The following SMARCA4 variants were observed in gnomAD, a reference collection of about 807,000 sequenced individuals.
SMARCA4 encodes the protein SWI/SNF-related matrix-associated actin-dependent regulator of chromatin subfamily A member 4.
In SMARCA4, 31 loss-of-function variants were observed where a neutral mutation model predicts 193.9. That is an observed-to-expected ratio of 0.16 (90% CI 0.12 to 0.22). SMARCA4 has a LOEUF of 0.22. Among genes scored for constraint, SMARCA4 ranks in the 10% least tolerant of loss-of-function variants. SMARCA4 has a pLI of 1.00. For synonymous variants in SMARCA4, 942 were observed against 933.1 expected (o/e 1.01, Z -0.17); for missense variants, 1,148 against 2,296.0 (o/e 0.50, Z 10.22).
chr19:10,966,159 TATTTAGTAGAA>T (rs1320256435), intron 1 of SMARCA4, among the ~76,000 whole-genome samples: 1 of 151,906 alleles, frequency 6.6e-6, no homozygotes, highest in Non-Finnish European at 1.5e-5. Context: ...ATTTTTTGTA[TATTTAGTAGAA>T]ACGGGGTTTC....
In SMARCA4 at chr19:10,989,477, G is replaced by C. The variant is rs1279682574; in HGVS notation, c.1245+34G>C. 1.9e-6 allele frequency: 3 copies of C among 1,612,468 alleles called. No homozygotes were observed. In the African/African-American group the frequency reaches 4.0e-5, roughly 21 times the overall value. On this transcript the variant is annotated intron_variant, in intron 7 of 34. Transcript: ENST00000344626. ...TGGCATGGCCGCAGCTTTCCGAAAA[G>C]GGCCTTTGTCACCAACACTGCTGCT...
chr19:11,053,300 G>C (rs966231100), intron 30 of SMARCA4, among the ~76,000 whole-genome samples: 2 of 151,502 alleles, frequency 1.3e-5, no homozygotes, highest in Non-Finnish European at 2.9e-5. Flanking sequence ...CCTGGCCAAC[G>C]TGGCAAAACC....
intron 13 of SMARCA4, among the ~76,000 whole-genome samples, chr19:11,006,931 A>G (rs2088269382): frequency 6.6e-6 from 1 of 151,970 alleles, no homozygotes; most frequent in South Asian, 2.1e-4. Flanking sequence ...CCAAAAATGC[A>G]AAACAATTAG....
chr19:10,998,138 C>T (rs577882042), intron 11 of SMARCA4, among the ~76,000 whole-genome samples: 6 of 152,204 alleles, frequency 3.9e-5, no homozygotes, highest in Non-Finnish European at 5.9e-5. Context: ...CCTCCCACCT[C>T]GGCCTTCCAA....
In SMARCA4 at chr19:11,060,173, G is replaced by C. The variant is rs2076782634; in HGVS notation, c.4897G>C (p.Glu1633Gln). The change falls in exon 34 of 35, where the codon GAG becomes CAG. Residue 1633 changes from glutamate (E) to glutamine (Q), a missense_variant. Physicochemically the swap from Glu to Gln is conservative, Grantham distance 29. Around this residue, in one of 17 missense-constraint regions of SMARCA4, gnomAD observed 105 missense variants for 133.7 expected, o/e 0.79. Transcript: ENST00000344626. ...KPVVSDDDSEEEQEEDRSGSG... is the reference protein window; with the variant it reads ...KPVVSDDDSEQEQEEDRSGSG... The stretch of plus-strand genomic sequence containing the variant: ...GGTCGTGAGTGACGATGACAGTGAG[G>C]AGGAACAAGAGGAGGTGAGGCCGGG... The C allele has an allele frequency of 1.3e-6, 2 of 1,551,080 alleles. No individual in the cohort carries two copies. The highest frequency in any genetic ancestry group is 1.7e-6 in the Non-Finnish European group (2 of 1,146,704).
At chr19:11,035,221 G>A (rs2146708254) in intron 29 of SMARCA4, 89 bp downstream of exon 29, 1 of 1,290,896 alleles carries the variant, frequency 7.7e-7, no homozygotes, top group South Asian at 1.3e-5. Flanking sequence ...ACTCAGGCCT[G>A]GGTCCAAAAT....
chr19:11,018,854 G>A, intron 16 of SMARCA4, 103 bp from the exon 17 acceptor site: 1 of 915,294 alleles, frequency 1.1e-6, no homozygotes, highest in Non-Finnish European at 1.8e-6. Context: ...TCGGAGGGCT[G>A]TGGCCATGTT....
At chr19:11,059,720 C>G (rs1476642554) in intron 32 of SMARCA4, 33 bp from the exon 33 acceptor site, 42 of 1,552,364 alleles carry the variant, frequency 2.7e-5, no homozygotes, top group Non-Finnish European at 2.9e-5. Flanking sequence ...CCAGTCGGGC[C>G]CATCCACTCA....
chr19:10,993,380 C>T (rs1179117802), intron 8 of SMARCA4, among the ~76,000 whole-genome samples: 1 of 152,188 alleles, frequency 6.6e-6, no homozygotes, highest in Non-Finnish European at 1.5e-5. Flanking sequence ...ATTTATGTCA[C>T]CTTTTTCCTG....
At chr19:11,061,745 G>A (rs1448450821) in intron 34 of SMARCA4, 39 bp from the exon 35 acceptor site, 1 of 1,607,374 alleles carries the variant, frequency 6.2e-7, no homozygotes, top group Non-Finnish European at 8.5e-7. Flanking sequence ...CCTGGCAGGG[G>A]TGGCCAACGC....
chr19:11,010,780 G>A (rs2088756323), intron 15 of SMARCA4: 1 of 535,970 alleles, frequency 1.9e-6, no homozygotes, highest in African/African-American at 1.9e-5. Flanking sequence ...GCCAGGCAGA[G>A]TGGGAGCGAT....
At chr19:10,991,524 ACG>A (rs1200765143) in intron 8 of SMARCA4, among the ~76,000 whole-genome samples, 1 of 152,246 alleles carries the variant, frequency 6.6e-6, no homozygotes, top group Non-Finnish European at 1.5e-5. Context: ...GATGAAATCC[ACG>A]CGTAGCACGT....
chr19:11,011,543 A>G (rs947388191), intron 15 of SMARCA4, among the ~76,000 whole-genome samples: 5 of 151,832 alleles, frequency 3.3e-5, no homozygotes, highest in Non-Finnish European at 5.9e-5. Context: ...CTTTAAGACA[A>G]CTCTTAAACC....
chr19:11,035,189 A>AGACAAAGGGCCCACC, intron 29 of SMARCA4, 57 bp downstream of exon 29: 1 of 1,503,498 alleles, frequency 6.7e-7, no homozygotes, highest in Admixed American at 1.8e-5. Flanking sequence ...AGGGCTGGGG[A>AGACAAAGGGCCCACC]GACAAAGGGC....
At chr19:10,967,858 A>ATT (rs199595657) in intron 1 of SMARCA4, among the ~76,000 whole-genome samples, 26 of 147,170 alleles carry the variant, frequency 1.8e-4, no homozygotes, top group African/African-American at 2.3e-4. Context: ...CTAATTTTGT[A>ATT]TTTTTTTTTA....
chr19:11,026,883 A>G (rs566966024), intron 23 of SMARCA4, among the ~76,000 whole-genome samples: 2 of 152,286 alleles, frequency 1.3e-5, no homozygotes, highest in South Asian at 4.1e-4. Flanking sequence ...TGGCTTACAG[A>G]TCCCACTCTG....
At chr19:10,995,989 C>G (rs1014631705) in intron 9 of SMARCA4, 5 of 619,320 alleles carry the variant, frequency 8.1e-6, no homozygotes, top group African/African-American at 1.8e-5. Context: ...TAAATGGCTG[C>G]TGGCGGGACT....
chr19:11,053,462 AAAAAAAG>A (rs1208151484), intron 30 of SMARCA4, among the ~76,000 whole-genome samples: 22 of 151,684 alleles, frequency 1.5e-4, no homozygotes, highest in Admixed American at 5.2e-4. Context: ...AAAAAAAAAA[AAAAAAAG>A]AAAGAAATTC....
chr19:10,985,624 G>A lies in SMARCA4; in HGVS notation c.355+219G>A, dbSNP rs947610630. ...GCCCTGGAAGGGGAAATGCTGGTTGGGGGGCAGACCATGTTCAGCATGGGT... is the reference window on the plus strand; with the variant it reads ...GCCCTGGAAGGGGAAATGCTGGTTGAGGGGCAGACCATGTTCAGCATGGGT... On this transcript the variant is annotated intron_variant, in intron 3 of 34. Transcript: ENST00000344626. This position sits in a 1 kb window ranked among gnomAD's most constrained non-coding sequence, Gnocchi z 4.5. 2.6e-5 allele frequency among the ~76,000 whole-genome samples: 4 copies of A among 152,212 alleles called. No homozygotes were observed. Among genetic ancestry groups the A allele is most frequent in the Non-Finnish European group, 2.9e-5 (2 of 68,028 alleles).
Sources: gnomAD v4.1 joint callset for allele counts (sites outside exome capture counted in the v4.1 genomes callset) on GRCh38, gnomAD v4.1.1 for gene constraint, gnomAD v4.1.1 regional missense constraint, Gnocchi (gnomAD v3.1) non-coding constraint, MANE v1.5 for transcripts, NCBI Gene and HGNC (gene_info 2026-07-23, HGNC 2026-07-21) for gene names.